Variants in SLC25A36 observed in about 807,000 individuals in gnomAD.
SLC25A36 encodes the protein solute carrier family 25 member 36, also known as epididymis secretory sperm binding protein.
In SLC25A36, 24 loss-of-function variants were observed where a neutral mutation model predicts 35.3. The observed-to-expected ratio is 0.68, with a 90% CI of 0.49 to 0.96. SLC25A36 has a LOEUF of 0.96. Among genes scored for constraint, SLC25A36 ranks in the 40% least tolerant of loss-of-function variants. SLC25A36 has a pLI of 0.00. For synonymous variants in SLC25A36, 141 were observed against 132.2 expected (o/e 1.07, Z -0.46); for missense variants, 294 against 381.1 (o/e 0.77, Z 1.90).
intron 4 of SLC25A36, chr3:140,963,649 A>AT (rs1163042427): frequency 3.2e-5 from 5 of 156,018 alleles, no homozygotes; most frequent in African/African-American, 1.2e-4. Context: ...TAAAGTATTC[A>AT]TTTTGTCCTG....
intron 6 of SLC25A36, among the ~76,000 whole-genome samples, chr3:140,974,377 T>C (rs1050115366): frequency 3.3e-5 from 5 of 152,126 alleles, no homozygotes; most frequent in Non-Finnish European, 5.9e-5. Flanking sequence ...TTCCCTGTTA[T>C]GCTAGAACAT....
In SLC25A36 at chr3:140,959,452, C is replaced by A; in HGVS notation, c.207-11C>A. 1.4e-6 allele frequency: 2 copies of A among 1,459,470 alleles called. No homozygotes were observed. The highest frequency in any genetic ancestry group is 1.8e-6 in the Non-Finnish European group (2 of 1,096,494). 90.4% of individuals were successfully genotyped at this position (1,459,470 alleles called of 1,614,324 possible). On this transcript the variant is annotated splice_polypyrimidine_tract_variant and intron_variant, in intron 2 of 6. Coordinates refer to ENST00000324194, the MANE Select transcript of SLC25A36 (RefSeq NM_001104647.3). ...AGATATTTCTGATAGAATTTTTTTT[C>A]TCTCTTTCAGGGTGATCTTGGAAAA...
intron 6 of SLC25A36, among the ~76,000 whole-genome samples, chr3:140,974,941 A>G (rs1181270020): frequency 6.6e-6 from 1 of 152,078 alleles, no homozygotes; most frequent in Non-Finnish European, 1.5e-5. Flanking sequence ...ATAGGACAGT[A>G]TCAGCAATAT....
chr3:140,964,275 G>T (rs966702437), intron 4 of SLC25A36: 1 of 151,850 alleles, frequency 6.6e-6, no homozygotes, highest in African/African-American at 2.4e-5. Context: ...TGTTTTTAAG[G>T]CTTTTTGTAT....
Position 140,956,506 on chromosome 3 carries a change from CTTTTTTTTT to C in SLC25A36, c.42-11_42-3del. The C allele has an allele frequency of 7.0e-7, 1 of 1,424,592 alleles. No homozygotes were observed. Among genetic ancestry groups the C allele is most frequent in the Non-Finnish European group, 9.2e-7 (1 of 1,089,986 alleles). 88.2% of individuals were successfully genotyped at this position (1,424,592 alleles called of 1,614,324 possible). ...ATGAATTAAGTAGATAAGCTGTGTTCTTTTTTTTTTTTTTTTTTAGATGTGGTGGTACAG... is the reference window on the plus strand; with the variant it reads ...ATGAATTAAGTAGATAAGCTGTGTTCTTTTTTTTTAGATGTGGTGGTACAG... On this transcript the variant is annotated splice_polypyrimidine_tract_variant and intron_variant, in intron 1 of 6. Transcript: ENST00000324194.
At chr3:140,956,423 T>A (rs546923558) in intron 1 of SLC25A36, 104 bp from the exon 2 acceptor site, 1 of 1,270,346 alleles carries the variant, frequency 7.9e-7, no homozygotes, top group South Asian at 2.7e-5. Flanking sequence ...AATTTTAGTA[T>A]GTTGGCAAAG....
At chr3:140,957,906 T>C (rs1403045556) in intron 2 of SLC25A36, among the ~76,000 whole-genome samples, 2 of 152,296 alleles carry the variant, frequency 1.3e-5, no homozygotes, top group East Asian at 3.9e-4. Flanking sequence ...TCAGTAGTTT[T>C]GCCTTCCCTT....
intron 1 of SLC25A36, 66 bp from the exon 2 acceptor site, chr3:140,956,461 C>A: frequency 1.4e-6 from 2 of 1,402,292 alleles, no homozygotes; most frequent in South Asian, 1.9e-5. Flanking sequence ...GATTACAGCT[C>A]TGGGCATATA....
intron 4 of SLC25A36, chr3:140,968,773 T>A (rs867653458): frequency 6.1e-4 from 440 of 720,470 alleles, no homozygotes; most frequent in Middle Eastern, 2.1e-3. Context: ...AACTTTTATT[T>A]AAAAAAAAAA....
chr3:140,959,975 TC>T (rs1934586404), intron 3 of SLC25A36, among the ~76,000 whole-genome samples: 1 of 152,158 alleles, frequency 6.6e-6, no homozygotes, highest in African/African-American at 2.4e-5. Flanking sequence ...ATGTTAAAAT[TC>T]TATAAATGGA....
intron 2 of SLC25A36, among the ~76,000 whole-genome samples, chr3:140,959,224 C>G (rs1465256334): frequency 6.6e-6 from 1 of 151,864 alleles, no homozygotes; most frequent in Non-Finnish European, 1.5e-5. Context: ...CCAGGTTGGC[C>G]AGGCTGGTCT....
chr3:140,948,141 G>A (rs1323824964), intron 1 of SLC25A36, among the ~76,000 whole-genome samples: 1 of 152,144 alleles, frequency 6.6e-6, no homozygotes, highest in Non-Finnish European at 1.5e-5. Flanking sequence ...TTTTAGTAGA[G>A]ACAGGATTTC....
chr3:140,959,474 A>G lies in SLC25A36; in HGVS notation c.218A>G (p.Glu73Gly). ...GPLHCLKVIL[E>G]KEGPRSLFRG... is the part of the protein sequence containing the mutation. ...TTTCTCTCTTTCAGGGTGATCTTGG[A>G]AAAAGAAGGGCCTCGTTCCTTGTTT... Residue 73 changes from glutamate to glycine, a missense_variant, in exon 3 of 7, where the codon GAA (glutamate) becomes GGA (glycine). Glu to Gly is a moderately conservative substitution (Grantham distance 98, BLOSUM62 -2). This residue lies in a region of SLC25A36 where 185 missense variants were observed against 201.5 expected (regional missense o/e 0.92). Transcript: ENST00000324194. The G allele has an allele frequency of 6.6e-7, 1 of 1,523,672 alleles. No homozygotes were observed. The allele number at this position is 1,523,672 out of a possible 1,614,324, so 94.4% of individuals were successfully genotyped here.
At position 140,973,868 on chromosome 3, in the gene SLC25A36, A is replaced by G; in HGVS notation, c.605A>G (p.Gln202Arg). The G allele has an allele frequency of 1.2e-6, 2 of 1,613,594 alleles. No homozygotes were observed. Among genetic ancestry groups the G allele is most frequent in the Middle Eastern group, 1.7e-4 (1 of 6,058 alleles). Reference sequence around the variant, plus strand: ...TTTGTTATTTATGAAAGTATAAAACAAAAACTACTGGAATATAAGACTGCT... The same window carrying G: ...TTTGTTATTTATGAAAGTATAAAACGAAAACTACTGGAATATAAGACTGCT... ...IHFVIYESIK[Q>R]KLLEYKTAST... Residue 202 changes from glutamine to arginine, a missense_variant, in exon 6 of 7, where the codon CAA (glutamine) becomes CGA (arginine). By Grantham distance (43) the Gln-to-Arg change is conservative. This residue lies in a region of SLC25A36 where 109 missense variants were observed against 179.7 expected (regional missense o/e 0.61). Coordinates refer to ENST00000324194, the MANE Select transcript of SLC25A36 (RefSeq NM_001104647.3).
At chr3:140,967,274 C>T (rs1446495403) in intron 4 of SLC25A36, among the ~76,000 whole-genome samples, 2 of 151,626 alleles carry the variant, frequency 1.3e-5, no homozygotes, top group African/African-American at 4.8e-5. Context: ...CCTTGACCTC[C>T]AAAGAATGTA....
chr3:140,945,712 T>G (rs1271306232), intron 1 of SLC25A36, among the ~76,000 whole-genome samples: 1 of 150,814 alleles, frequency 6.6e-6, no homozygotes, highest in Non-Finnish European at 1.5e-5. Context: ...ACTGTAGTCA[T>G]CGTATTCACC....
intron 6 of SLC25A36, among the ~76,000 whole-genome samples, chr3:140,975,226 G>A (rs1935011854): frequency 7.1e-6 from 1 of 141,032 alleles, no homozygotes; most frequent in Non-Finnish European, 1.5e-5. Context: ...TCCTGCCCCA[G>A]CCTCCCAAGT....
chr3:140,950,813 A>G (rs1413842243), intron 1 of SLC25A36, among the ~76,000 whole-genome samples: 2 of 152,060 alleles, frequency 1.3e-5, no homozygotes, highest in South Asian at 2.1e-4. Context: ...TGCTAAACCT[A>G]AGTTCAGAAA....
chr3:140,971,883 T>A lies in SLC25A36; in HGVS notation c.452+890T>A, dbSNP rs192543813. ...ATATTTTGGTGTTTGGGAAATAGTG[T>A]TATGTCCTATAGGCTTTAGGTAAAA... is the stretch of plus-strand genomic sequence containing the variant. On this transcript the variant is annotated intron_variant, in intron 5 of 6. Transcript: ENST00000324194. 9.7e-4 allele frequency among the ~76,000 whole-genome samples: 148 copies of A among 152,346 alleles called. 2 individuals carry two copies. The highest frequency in any genetic ancestry group is 1.6e-3 in the Non-Finnish European group (112 of 68,030).
Sources: allele counts gnomAD v4.1 joint callset (sites outside exome capture counted in the v4.1 genomes callset), GRCh38; gene constraint gnomAD v4.1.1; regional missense constraint gnomAD v4.1.1; transcripts MANE v1.5; gene names NCBI Gene and HGNC (gene_info 2026-07-23, HGNC 2026-07-21).